RNF31: variants seen among roughly 807,000 people sequenced by gnomAD.
RNF31 encodes ring finger protein 31, also known as E3 ubiquitin-protein ligase RNF31.
A neutral mutation model predicts 133.6 loss-of-function variants in RNF31; 38 were observed. The observed-to-expected ratio is 0.28, with a 90% CI of 0.22 to 0.37. The LOEUF (loss-of-function observed/expected upper bound fraction) is 0.37. Ranked by LOEUF, RNF31 falls within the 10% of genes least tolerant of loss-of-function variation. RNF31 has a pLI of 1.00. For synonymous variants in RNF31, 582 were observed against 552.3 expected (o/e 1.05, Z -0.75); for missense variants, 1,118 against 1,394.1 (o/e 0.80, Z 3.15).
At position 24,149,234 on chromosome 14, in the gene RNF31, A is replaced by AT. The variant is rs1156382236; in HGVS notation, c.632-170dup. The AT allele has an allele frequency of 7.2e-6, 5 of 691,620 alleles. No individual in the cohort carries two copies. The African/African-American group carries it at 9.0e-5, about 12-fold the overall frequency. The allele number at this position is 691,620 out of a possible 1,614,324, so 42.8% of individuals were successfully genotyped here. Reference sequence around the variant, plus strand: ...CACCTCAGCCTCCCAAAGTGCTAAGATTACCTGCATGAGCCACCACGCCCG... The same window carrying AT: ...CACCTCAGCCTCCCAAAGTGCTAAGATTTACCTGCATGAGCCACCACGCCCG... On this transcript the variant is annotated intron_variant, in intron 5 of 20. Coordinates refer to ENST00000324103, the MANE Select transcript of RNF31 (RefSeq NM_017999.5).
In RNF31 at chr14:24,151,042, T is replaced by C; in HGVS notation, c.1489-89T>C. On this transcript the variant is annotated intron_variant, in intron 8 of 20. Coordinates refer to ENST00000324103, the MANE Select transcript of RNF31 (RefSeq NM_017999.5). The surrounding 1 kb of genome is among the most constrained non-coding windows in gnomAD (Gnocchi z 5.3). ...TGCTGTACACTGATGACATGATCCATATGTCTGAGCTGAGCCACTGTCACC... is the reference window on the plus strand; with the variant it reads ...TGCTGTACACTGATGACATGATCCACATGTCTGAGCTGAGCCACTGTCACC... The C allele has an allele frequency of 6.4e-7, 1 of 1,569,624 alleles. No individual in the cohort carries two copies. Among genetic ancestry groups the C allele is most frequent in the Non-Finnish European group, 8.7e-7 (1 of 1,154,590 alleles).
rs2038243132 is a variant in RNF31, at chr14:24,150,275, A to G, written c.1024A>G (p.Thr342Ala). 2 of 1,614,136 alleles carry G rather than the reference A, an allele frequency of 1.2e-6. No individual in the cohort carries two copies. The highest frequency in any genetic ancestry group is 8.5e-7 in the Non-Finnish European group (1 of 1,180,014). Reference protein sequence around the residue: ...LGLGTEGPQGTGGLEPDLARG... With the variant: ...LGLGTEGPQGAGGLEPDLARG... Reference sequence around the variant, plus strand: ...GTTGGGAACTGAGGGTCCCCAAGGAACTGGAGGCCTAGAACCTGATCTTGC... The same window carrying G: ...GTTGGGAACTGAGGGTCCCCAAGGAGCTGGAGGCCTAGAACCTGATCTTGC... The change falls in exon 7 of 21, where the codon ACT becomes GCT. Residue 342 changes from threonine (T) to alanine (A), a missense_variant. By Grantham distance (58) the Thr-to-Ala change is moderately conservative. Transcript: ENST00000324103.
Position 24,151,682 on chromosome 14 carries a change from A to C in RNF31, c.1923+12A>C, listed in dbSNP as rs749542474. 3 of 1,609,248 alleles carry C rather than the reference A, an allele frequency of 1.9e-6. No individual in the cohort carries two copies. The Admixed American group carries it at 5.0e-5, about 27-fold the overall frequency. ...GGCCAGACAAGCAGGTGCTGGGAGG[A>C]GGCAAGAAGCCCAAGGGTCCACCTA... On this transcript the variant is annotated intron_variant, in intron 10 of 20. Transcript: ENST00000324103. This position sits in a 1 kb window ranked among gnomAD's most constrained non-coding sequence, Gnocchi z 5.3.
intron 18 of RNF31, 200 bp from the exon 19 acceptor site, chr14:24,159,664 G>T: frequency 2.2e-6 from 1 of 465,062 alleles, no homozygotes; most frequent in Non-Finnish European, 3.9e-6. Context: ...TAAAAGTAGG[G>T]ACAAGGTCCC....
chr14:24,159,239 C>T lies in RNF31; in HGVS notation c.2900-625C>T, dbSNP rs376250005. ...GCAGGCACCTGTAATCCCACCTACT[C>T]GGGTGGCTGAGGCAGGAGAATCACT... On this transcript the variant is annotated intron_variant, in intron 18 of 20. Transcript: ENST00000324103. Among the ~76,000 whole-genome samples, 19 of 149,622 alleles carry T rather than the reference C, an allele frequency of 1.3e-4. No homozygotes were observed. In the East Asian group the frequency reaches 1.4e-3, roughly 11 times the overall value.
Position 24,160,545 on chromosome 14 carries a change from G to T in RNF31, c.3191G>T (p.Gly1064Val). The T allele has an allele frequency of 6.5e-7, 1 of 1,547,434 alleles. No individual in the cohort carries two copies. Among genetic ancestry groups the T allele is most frequent in the South Asian group, 1.2e-5 (1 of 81,374 alleles). The change falls in exon 21 of 21, where the codon GGA (glycine) becomes GTA (valine). Residue 1064 changes from glycine (G) to valine (V), a missense_variant. Gly to Val is a moderately radical substitution (Grantham distance 109). Coordinates refer to ENST00000324103, the MANE Select transcript of RNF31 (RefSeq NM_017999.5). This position sits in a 1 kb window ranked among gnomAD's most constrained non-coding sequence, Gnocchi z 4.0. ...AAGCTGACAGAAGAGGTACCCTTGG[G>T]ACAGAGTATCCCCCGCAGGCGGAAG... is the stretch of plus-strand genomic sequence containing the variant. ...LQKLTEEVPL[G>V]QSIPRRRK
In RNF31 at chr14:24,150,255, G is replaced by A; in HGVS notation, c.1004G>A (p.Gly335Glu). ...RPRGCKGLGLGTEGPQGTGGL... is the reference protein window; with the variant it reads ...RPRGCKGLGLETEGPQGTGGL... ...CGAGGCTGTAAGGGGTTGGGGTTGGGAACTGAGGGTCCCCAAGGAACTGGA... is the reference window on the plus strand; with the variant it reads ...CGAGGCTGTAAGGGGTTGGGGTTGGAAACTGAGGGTCCCCAAGGAACTGGA... Residue 335 changes from glycine to glutamate, a missense_variant, in exon 7 of 21, where the codon GGA becomes GAA. Around this residue, in one of 3 missense-constraint regions of RNF31, gnomAD observed 747 missense variants for 827.9 expected, o/e 0.90. Coordinates refer to ENST00000324103, the MANE Select transcript of RNF31 (RefSeq NM_017999.5). 1.2e-6 allele frequency: 2 copies of A among 1,614,178 alleles called. No homozygotes were observed. The highest frequency in any genetic ancestry group is 1.7e-6 in the Non-Finnish European group (2 of 1,180,028).
Position 24,150,360 on chromosome 14 carries a change from G to A in RNF31, c.1109G>A (p.Cys370Tyr). ...GAGAATGAGGCAGCTGCTGTGCTAT[G>A]TTCCATATGTGAGCGACCTCGGCTG... is the stretch of plus-strand genomic sequence containing the variant. ...TFENEAAAVLCSICERPRLAQ... is the reference protein window; with the variant it reads ...TFENEAAAVLYSICERPRLAQ... Residue 370 changes from cysteine to tyrosine, a missense_variant, in exon 7 of 21, where the codon TGT becomes TAT. Cys to Tyr is a radical substitution (Grantham distance 194). This residue lies in a region of RNF31 where 747 missense variants were observed against 827.9 expected (regional missense o/e 0.90). Transcript: ENST00000324103. 1 of 1,614,134 alleles carries A rather than the reference G, an allele frequency of 6.2e-7. No homozygotes were observed. The highest frequency in any genetic ancestry group is 8.5e-7 in the Non-Finnish European group (1 of 1,180,026).
Position 24,151,202 on chromosome 14 carries a change from T to C in RNF31, c.1560T>C (p.Pro520=). 1.2e-6 allele frequency: 2 copies of C among 1,614,188 alleles called. No individual in the cohort carries two copies. The highest frequency in any genetic ancestry group is 1.7e-6 in the Non-Finnish European group (2 of 1,180,044). The change falls in exon 9 of 21, where the codon CCT becomes CCC. Residue 520 remains proline (P), a synonymous_variant. Coordinates refer to ENST00000324103, the MANE Select transcript of RNF31 (RefSeq NM_017999.5). This position sits in a 1 kb window ranked among gnomAD's most constrained non-coding sequence, Gnocchi z 5.3. ...TGCAGTACTCGGGCACTGAGGTGCCTCTGCAGTGGTTGCGCTCAGAACTGC... is the reference window on the plus strand; with the variant it reads ...TGCAGTACTCGGGCACTGAGGTGCCCCTGCAGTGGTTGCGCTCAGAACTGC... ...SALQYSGTEV[P]LQWLRSELPY...
intron 11 of RNF31, among the ~76,000 whole-genome samples, chr14:24,152,409 CTTTA>C (rs57452223): frequency 1.1e-4 from 16 of 149,776 alleles, no homozygotes; most frequent in Non-Finnish European, 1.8e-4. Flanking sequence ...AAATGTAAAA[CTTTA>C]TTTATTTATT....
Position 24,151,230 on chromosome 14 carries a change from T to C in RNF31, c.1588T>C (p.Tyr530His). 1 of 1,614,190 alleles carries C rather than the reference T, an allele frequency of 6.2e-7. No individual in the cohort carries two copies. Among genetic ancestry groups the C allele is most frequent in the Non-Finnish European group, 8.5e-7 (1 of 1,180,044 alleles). ...PLQWLRSELP[Y>H]VLEMVAELAG... ...GCAGTGGTTGCGCTCAGAACTGCCC[T>C]ACGTCCTGGAGATGGTGGCTGAGCT... Residue 530 changes from tyrosine to histidine, a missense_variant, in exon 9 of 21, where the codon TAC becomes CAC. By Grantham distance (83) the Tyr-to-His change is moderately conservative. Coordinates refer to ENST00000324103, the MANE Select transcript of RNF31 (RefSeq NM_017999.5). This position sits in a 1 kb window ranked among gnomAD's most constrained non-coding sequence, Gnocchi z 5.3.
rs1430332892 is a variant in RNF31 at position 24,150,329 on chromosome 14, A to G, written c.1078A>G (p.Thr360Ala). ...ARGRWACQSC[T>A]FENEAAAVLC... ...GGGTCGGTGGGCCTGCCAGAGCTGT[A>G]CCTTTGAGAATGAGGCAGCTGCTGT... The change falls in exon 7 of 21, where the codon ACC becomes GCC. Residue 360 changes from threonine to alanine, a missense_variant. By Grantham distance (58) the Thr-to-Ala change is moderately conservative (BLOSUM62 0). Around this residue, in one of 3 missense-constraint regions of RNF31, gnomAD observed 747 missense variants for 827.9 expected, o/e 0.90. Coordinates refer to ENST00000324103, the MANE Select transcript of RNF31 (RefSeq NM_017999.5). 1 of 1,614,096 alleles carries G rather than the reference A, an allele frequency of 6.2e-7. No homozygotes were observed.
chr14:24,158,166 G>A lies in RNF31; in HGVS notation c.2866G>A (p.Glu956Lys), dbSNP rs765136796. 1 of 1,614,250 alleles carries A rather than the reference G, an allele frequency of 6.2e-7. No individual in the cohort carries two copies. The highest frequency in any genetic ancestry group is 8.5e-7 in the Non-Finnish European group (1 of 1,180,054). ...GGACAATAACGTCATGTTTAATACA[G>A]AGCCTCCAGCTGGGGCCCGGGCAGT... ...LQDNNVMFNTEPPAGARAVPG... is the reference protein window; with the variant it reads ...LQDNNVMFNTKPPAGARAVPG... The change falls in exon 18 of 21, where the codon GAG (glutamate) becomes AAG (lysine). Residue 956 changes from glutamate (E) to lysine (K), a missense_variant. Transcript: ENST00000324103.
chr14:24,147,918 G>C (rs1407416449), intron 1 of RNF31, 28 bp downstream of exon 1: 2 of 1,612,906 alleles, frequency 1.2e-6, no homozygotes, highest in South Asian at 2.2e-5. Context: ...TTGGAAGGGG[G>C]ACACCAGGGC....
chr14:24,152,103 T>G, intron 11 of RNF31, 111 bp downstream of exon 11: 2 of 1,097,144 alleles, frequency 1.8e-6, no homozygotes, highest in Non-Finnish European at 2.6e-6. Flanking sequence ...GTTGCCCATA[T>G]ACCCCTGAAG....
chr14:24,159,547 C>T lies in RNF31; in HGVS notation c.2900-317C>T, dbSNP rs553992114. On this transcript the variant is annotated intron_variant, in intron 18 of 20. Coordinates refer to ENST00000324103, the MANE Select transcript of RNF31 (RefSeq NM_017999.5). ...AATAAAAAAAAGAGGTAAGATCTTC[C>T]GATAATAAGTTAACTAGTCAAGAGA... Among the ~76,000 whole-genome samples the T allele has an allele frequency of 1.5e-3, 195 of 126,368 alleles. 2 individuals are homozygous for T. The highest frequency in any genetic ancestry group is 1.5e-4 in the Non-Finnish European group (9 of 61,016). The allele number at this position is 126,368 out of a possible 152,430, so 82.9% of individuals were successfully genotyped here. A position where few individuals can be genotyped will look rare whatever the true frequency, so the allele number is the denominator to read the frequency against.
intron 5 of RNF31, 168 bp downstream of exon 5, chr14:24,149,044 A>T: frequency 3.0e-6 from 2 of 667,370 alleles, no homozygotes; most frequent in Non-Finnish European, 5.2e-6. Context: ...GCTCACCGCA[A>T]CCTCCACCTC....
Position 24,157,335 on chromosome 14 carries a change from T to C in RNF31, c.2539T>C (p.Trp847Arg), listed in dbSNP as rs769844649. 1.9e-6 allele frequency: 3 copies of C among 1,612,608 alleles called. No individual in the cohort carries two copies. In the East Asian group the frequency reaches 6.7e-5, roughly 36 times the overall value. ...RGRSCEDFQN[W>R]KRMNDPEYQA... ...TCGGAGCTGTGAGGACTTCCAGAACTGGAAACGCATGAACGACCCAGAATA... is the reference window on the plus strand; with the variant it reads ...TCGGAGCTGTGAGGACTTCCAGAACCGGAAACGCATGAACGACCCAGAATA... Residue 847 changes from tryptophan (W) to arginine (R), a missense_variant, in exon 15 of 21, where the codon TGG becomes CGG. By Grantham distance (101) the Trp-to-Arg change is moderately radical. This residue lies in a region of RNF31 where 201 missense variants were observed against 371.7 expected (regional missense o/e 0.54). Coordinates refer to ENST00000324103, the MANE Select transcript of RNF31 (RefSeq NM_017999.5).
intron 17 of RNF31, 55 bp from the exon 18 acceptor site, chr14:24,158,087 C>G: frequency 6.2e-7 from 1 of 1,611,346 alleles, no homozygotes; most frequent in Non-Finnish European, 8.5e-7. Context: ...CTAGGAATTG[C>G]AACAGGGACT....
Sources: gnomAD v4.1 joint callset for allele counts (sites outside exome capture counted in the v4.1 genomes callset) on GRCh38, gnomAD v4.1.1 for gene constraint, gnomAD v4.1.1 regional missense constraint, Gnocchi (gnomAD v3.1) non-coding constraint, MANE v1.5 for transcripts, NCBI Gene and HGNC (gene_info 2026-07-23, HGNC 2026-07-21) for gene names.